ADSS2: variants seen among roughly 807,000 people sequenced by gnomAD.
ADSS2 encodes the protein adenylosuccinate synthase 2.
ADSS2 carries 30 observed loss-of-function variants against 60.0 expected under a neutral mutation model. That is an observed-to-expected ratio of 0.50 (90% CI 0.37 to 0.68). The LOEUF is 0.68. Ranked by LOEUF, ADSS2 falls within the 30% of genes least tolerant of loss-of-function variation. The probability of loss-of-function intolerance (pLI) is 0.00; values close to 1 mark genes in which losing one functional copy is unlikely to be tolerated. For missense variants in ADSS2, 373 were observed against 554.8 expected (o/e 0.67, Z 3.29); for synonymous variants, 187 against 193.1 (o/e 0.97, Z 0.26).
intron 1 of ADSS2, among the ~76,000 whole-genome samples, chr1:244,447,026 C>A (rs1022376405): frequency 1.3e-5 from 2 of 152,082 alleles, no homozygotes; most frequent in Non-Finnish European, 1.5e-5. Flanking sequence ...AATTTTGGTT[C>A]AATGTAAAGA....
chr1:244,441,829 G>A (rs560814585), intron 1 of ADSS2, among the ~76,000 whole-genome samples: 3 of 152,138 alleles, frequency 2.0e-5, no homozygotes, highest in Admixed American at 1.3e-4. Flanking sequence ...GGTGGCACGT[G>A]CCTGTAGTCC....
At chr1:244,436,050 A>G (rs1175968909) in intron 3 of ADSS2, among the ~76,000 whole-genome samples, 1 of 152,134 alleles carries the variant, frequency 6.6e-6, no homozygotes, top group African/African-American at 2.4e-5. Context: ...GAAAGGGGAG[A>G]AGGCCTTTTT....
chr1:244,451,797 G>C lies in ADSS2; in HGVS notation c.21C>G (p.Tyr7Ter), dbSNP rs1175358844. Residue 7 changes from tyrosine to a stop codon, truncating the protein, a stop_gained, in exon 1 of 13, where the codon TAC becomes TAG. Transcript: ENST00000366535. LOFTEE classifies it high-confidence loss of function. This position sits in a 1 kb window ranked among gnomAD's most constrained non-coding sequence, Gnocchi z 6.6. MAFAET[Y>*]PAASSLPNGD... The stretch of plus-strand genomic sequence containing the variant: ...CGTTGGGCAGGGAGGATGCCGCCGG[G>C]TAGGTCTCGGCGAACGCCATGGCTC... 6.3e-7 allele frequency: 1 copy of C among 1,593,702 alleles called. No individual in the cohort carries two copies. The highest frequency in any genetic ancestry group is 8.5e-7 in the Non-Finnish European group (1 of 1,171,524).
At chr1:244,438,024 T>G (rs1416875244) in intron 1 of ADSS2, among the ~76,000 whole-genome samples, 1 of 152,186 alleles carries the variant, frequency 6.6e-6, no homozygotes, top group Non-Finnish European at 1.5e-5. Flanking sequence ...GAAAATCATA[T>G]TCCTTCTTAA....
At chr1:244,418,223 C>T (rs573766407) in intron 9 of ADSS2, among the ~76,000 whole-genome samples, 2 of 152,142 alleles carry the variant, frequency 1.3e-5, no homozygotes, top group African/African-American at 4.8e-5. Flanking sequence ...TATGATCTAC[C>T]GAAGTCCTTG....
Position 244,417,476 on chromosome 1 carries a change from C to T in ADSS2, c.1070+152G>A, listed in dbSNP as rs933163974. The T allele has an allele frequency of 6.8e-6, 6 of 884,984 alleles. No individual in the cohort carries two copies. The African/African-American group carries it at 8.5e-5, about 13-fold the overall frequency. 54.8% of individuals were successfully genotyped at this position (884,984 alleles called of 1,614,324 possible). Reference sequence around the variant, plus strand: ...GATCTCTCTCCTTGTGTACCCTTCCCCCTATATCTTGGTCTACTTCTGCCT... The same window carrying T: ...GATCTCTCTCCTTGTGTACCCTTCCTCCTATATCTTGGTCTACTTCTGCCT... On this transcript the variant is annotated intron_variant, in intron 10 of 12. Coordinates refer to ENST00000366535, the MANE Select transcript of ADSS2 (RefSeq NM_001126.5).
At chr1:244,438,818 T>C (rs1412004472) in intron 1 of ADSS2, among the ~76,000 whole-genome samples, 1 of 152,224 alleles carries the variant, frequency 6.6e-6, no homozygotes, top group African/African-American at 2.4e-5. Flanking sequence ...ATGAGATATT[T>C]TGATACAAGC....
At chr1:244,415,830 T>C (rs1664515620) in intron 11 of ADSS2, 151 bp downstream of exon 11, 2 of 594,878 alleles carry the variant, frequency 3.4e-6, no homozygotes, top group African/African-American at 1.9e-5. Context: ...ATGAACCAAA[T>C]AACTAATAAT....
At chr1:244,440,610 C>T (rs1665213920) in intron 1 of ADSS2, among the ~76,000 whole-genome samples, 1 of 152,038 alleles carries the variant, frequency 6.6e-6, no homozygotes, top group African/African-American at 2.4e-5. Context: ...ATACAGACAC[C>T]AAGTGGCACA....
At position 244,422,860 on chromosome 1, in the gene ADSS2, A is replaced by G; in HGVS notation, c.638T>C (p.Ile213Thr). ...CTTGAGTTTTTGTAATTCACCTTCAATGTCTATTTCCAAAGTGGGGTATAT... is the reference window on the plus strand; with the variant it reads ...CTTGAGTTTTTGTAATTCACCTTCAGTGTCTATTTCCAAAGTGGGGTATAT... The part of the protein sequence containing the change: ...KSIYPTLEID[I>T]EGELQKLKGY... The change falls in exon 7 of 13, where the codon ATT becomes ACT. Residue 213 changes from isoleucine (I) to threonine (T), a missense_variant. Physicochemically the swap from Ile to Thr is moderately conservative, Grantham distance 89. Transcript: ENST00000366535. The G allele has an allele frequency of 1.9e-6, 3 of 1,598,804 alleles. No individual in the cohort carries two copies. The highest frequency in any genetic ancestry group is 2.6e-6 in the Non-Finnish European group (3 of 1,166,636).
intron 11 of ADSS2, 42 bp downstream of exon 11, chr1:244,415,939 T>G: frequency 7.1e-7 from 1 of 1,404,908 alleles, no homozygotes; most frequent in Non-Finnish European, 1.0e-6. Context: ...TCTAATACAT[T>G]CACCTTATAA....
chr1:244,418,996 T>C, intron 8 of ADSS2, 82 bp from the exon 9 acceptor site: 1 of 1,271,454 alleles, frequency 7.9e-7, no homozygotes, highest in South Asian at 1.5e-5. Context: ...CAATTCTGCA[T>C]TTGAGTATAT....
At chr1:244,433,853 C>CAT (rs1257214990) in intron 3 of ADSS2, among the ~76,000 whole-genome samples, 14 of 118,910 alleles carry the variant, frequency 1.2e-4, no homozygotes, top group Non-Finnish European at 2.2e-4. Flanking sequence ...AGCAAGACTC[C>CAT]ATCTTTAAAA....
chr1:244,420,316 C>A lies in ADSS2; in HGVS notation c.664-20G>T, dbSNP rs1664645940. The A allele has an allele frequency of 2.5e-6, 4 of 1,588,090 alleles. No homozygotes were observed. Among genetic ancestry groups the A allele is most frequent in the African/African-American group, 1.4e-5 (1 of 74,024 alleles). ...ATAACCCTATACACAAAGACAAAAACCAATTTCCATGTATACTAATAAACG... is the reference window on the plus strand; with the variant it reads ...ATAACCCTATACACAAAGACAAAAAACAATTTCCATGTATACTAATAAACG... On this transcript the variant is annotated intron_variant, in intron 7 of 12. Transcript: ENST00000366535.
intron 11 of ADSS2, among the ~76,000 whole-genome samples, chr1:244,412,985 G>A (rs1487154410): frequency 6.6e-6 from 1 of 152,086 alleles, no homozygotes; most frequent in Non-Finnish European, 1.5e-5. Flanking sequence ...AAATAACTAG[G>A]TTCAGGTCCC....
At chr1:244,435,701 A>G (rs1665082583) in intron 3 of ADSS2, among the ~76,000 whole-genome samples, 2 of 152,084 alleles carry the variant, frequency 1.3e-5, no homozygotes, top group Admixed American at 1.3e-4. Context: ...ACCAACACCA[A>G]CATTCTTGAC....
In ADSS2 at chr1:244,409,292, G is replaced by T; in HGVS notation, c.*294C>A. On this transcript the variant is annotated 3_prime_UTR_variant, in exon 13 of 13. Transcript: ENST00000366535. ...CTACATTAAAAGTAATTCTACTTTT[G>T]ATATCAAACAACATGGATTATACTA... 3.8e-6 allele frequency: 1 copy of T among 261,330 alleles called. No homozygotes were observed. The allele number at this position is 261,330 out of a possible 1,614,324, so 16.2% of individuals were successfully genotyped here.
At chr1:244,424,581 G>A (rs922994209) in intron 4 of ADSS2, 194 bp from the exon 5 acceptor site, 9 of 490,616 alleles carry the variant, frequency 1.8e-5, no homozygotes, top group African/African-American at 3.9e-5. Context: ...CTGATCTTTC[G>A]TTCTTATTTA....
intron 3 of ADSS2, among the ~76,000 whole-genome samples, chr1:244,435,168 CAAAAAAAAAAAAAAAAA>C (rs60576167): frequency 3.9e-5 from 2 of 51,748 alleles, no homozygotes; most frequent in Non-Finnish European, 6.6e-5. Flanking sequence ...ACTCCGTCTC[CAAAAAAAAAAAAAAAAA>C]AAAAAAAAAA....
Sources: allele counts gnomAD v4.1 joint callset (sites outside exome capture counted in the v4.1 genomes callset), GRCh38; gene constraint gnomAD v4.1.1; non-coding constraint Gnocchi (gnomAD v3.1); transcripts MANE v1.5; gene names NCBI Gene and HGNC (gene_info 2026-07-23, HGNC 2026-07-21).